Variants in CSGALNACT1 observed in about 807,000 individuals in gnomAD.
The protein encoded by CSGALNACT1 is beta4GalNAcT-1.
CSGALNACT1 carries 52 observed loss-of-function variants against 51.0 expected under a neutral mutation model. That is an observed-to-expected ratio of 1.02 (90% CI 0.82 to 1.29). CSGALNACT1 has a LOEUF of 1.29. Among genes scored for constraint, CSGALNACT1 ranks in the 50% most tolerant of loss-of-function variants. The pLI, the probability that CSGALNACT1 is intolerant of heterozygous loss-of-function variation, is 0.00. For synonymous variants in CSGALNACT1, 341 were observed against 254.4 expected (o/e 1.34, Z -3.24); for missense variants, 935 against 679.2 (o/e 1.38, Z -4.19).
At chr8:19,514,684 T>A (rs1246591681) in intron 3 of CSGALNACT1, among the ~76,000 whole-genome samples, 39 of 147,302 alleles carry the variant, frequency 2.6e-4, no homozygotes, top group Non-Finnish European at 4.5e-4. Flanking sequence ...CAGAAGAGAA[T>A]TAGCCTGGCA....
intron 2 of CSGALNACT1, among the ~76,000 whole-genome samples, chr8:19,598,000 C>G (rs577036877): frequency 2.0e-5 from 3 of 152,222 alleles, no homozygotes; most frequent in Non-Finnish European, 2.9e-5. Flanking sequence ...AGGCTCCCCC[C>G]TTACCTGCCT....
intron 4 of CSGALNACT1, among the ~76,000 whole-genome samples, chr8:19,502,286 C>A (rs765409335): frequency 2.1e-4 from 32 of 152,124 alleles, no homozygotes; most frequent in Non-Finnish European, 1.9e-4. Context: ...ACAAGAGAGA[C>A]CAGAAGGCTG....
In CSGALNACT1 at chr8:19,466,587, CAT is replaced by C. The variant is rs530049600; in HGVS notation, c.635-7947_635-7946del. Among the ~76,000 whole-genome samples, 534 of 152,334 alleles carry C rather than the reference CAT, an allele frequency of 3.5e-3. 4 individuals carry two copies. The highest frequency in any genetic ancestry group is 0.012 in the African/African-American group (505 of 41,566). On this transcript the variant is annotated intron_variant, in intron 4 of 9. Transcript: ENST00000454498. ...GATGGCATATCGCATTCCCAGATCA[CAT>C]GAGATAAATGAGACACTATTACAGT...
At chr8:19,688,541 T>C (rs977127728) in intron 1 of CSGALNACT1, among the ~76,000 whole-genome samples, 2 of 152,162 alleles carry the variant, frequency 1.3e-5, no homozygotes, top group Non-Finnish European at 2.9e-5. Context: ...AGCCCTGCAC[T>C]TAAAATCCAG....
intron 4 of CSGALNACT1, among the ~76,000 whole-genome samples, chr8:19,499,962 T>C (rs567884434): frequency 2.6e-5 from 4 of 152,296 alleles, no homozygotes; most frequent in African/African-American, 9.6e-5. Context: ...AGGGATTCAT[T>C]CTACAAAGTA....
chr8:19,479,370 G>A (rs1586872681), intron 4 of CSGALNACT1, among the ~76,000 whole-genome samples: 1 of 152,216 alleles, frequency 6.6e-6, no homozygotes, highest in Admixed American at 6.5e-5. Flanking sequence ...TCTATCCATG[G>A]TGAGAACCAG....
chr8:19,513,402 T>TTTTC (rs1288535096), intron 3 of CSGALNACT1, among the ~76,000 whole-genome samples: 2 of 35,146 alleles, frequency 5.7e-5, no homozygotes, highest in South Asian at 3.0e-3. Flanking sequence ...GTTCATAGAA[T>TTTTC]TTTCTCTCTC....
intron 1 of CSGALNACT1, among the ~76,000 whole-genome samples, chr8:19,670,650 CAAA>C (rs752256046): frequency 4.1e-3 from 379 of 92,828 alleles, no homozygotes; most frequent in South Asian, 0.037. Flanking sequence ...CTACTGAAGA[CAAA>C]AAAAAAAAAA....
chr8:19,677,356 C>G (rs9987105), intron 1 of CSGALNACT1, among the ~76,000 whole-genome samples: 43,451 of 152,146 alleles, frequency 0.29, 6,669 homozygotes, highest in African/African-American at 0.39. Flanking sequence ...AGTCATCCTC[C>G]CACCTCGGCC....
intron 4 of CSGALNACT1, among the ~76,000 whole-genome samples, chr8:19,499,069 C>T (rs1250071474): frequency 6.6e-6 from 1 of 152,162 alleles, no homozygotes; most frequent in South Asian, 2.1e-4. Flanking sequence ...GAGCCATGAT[C>T]GTGCCACTGC....
chr8:19,593,059 T>C (rs556932879), intron 2 of CSGALNACT1, among the ~76,000 whole-genome samples: 1 of 152,308 alleles, frequency 6.6e-6, no homozygotes, highest in East Asian at 1.9e-4. Context: ...TTTCCAAATA[T>C]TTTCAGTAAG....
chr8:19,500,662 G>T (rs55851368), intron 4 of CSGALNACT1, among the ~76,000 whole-genome samples: 23,687 of 152,178 alleles, frequency 0.16, 2,092 homozygotes, highest in Non-Finnish European at 0.2. Context: ...CTATCCCCGT[G>T]AGGTGTTTGT....
chr8:19,445,064 T>G (rs543449602), intron 5 of CSGALNACT1, among the ~76,000 whole-genome samples: 1 of 152,232 alleles, frequency 6.6e-6, no homozygotes, highest in East Asian at 1.9e-4. Context: ...GGCAGAGATT[T>G]AAAAGCAGAC....
At chr8:19,737,199 G>C (rs1296329160) in intron 1 of CSGALNACT1, among the ~76,000 whole-genome samples, 1 of 152,008 alleles carries the variant, frequency 6.6e-6, no homozygotes, top group Non-Finnish European at 1.5e-5. Flanking sequence ...ATAAAACTAG[G>C]AGAGTTTACT....
At chr8:19,733,919 C>T (rs2063825102) in intron 1 of CSGALNACT1, among the ~76,000 whole-genome samples, 1 of 152,028 alleles carries the variant, frequency 6.6e-6, no homozygotes, top group South Asian at 2.1e-4. Flanking sequence ...ATGACCAAGC[C>T]CAGGAGTGCA....
At chr8:19,732,130 GTTCTCCCTTTT>G (rs1272236905) in intron 1 of CSGALNACT1, among the ~76,000 whole-genome samples, 7 of 152,306 alleles carry the variant, frequency 4.6e-5, no homozygotes, top group African/African-American at 1.7e-4. Context: ...GCTGTAATCA[GTTCTCCCTTTT>G]TTCTAGAAAT....
intron 3 of CSGALNACT1, among the ~76,000 whole-genome samples, chr8:19,538,360 T>C (rs1284787818): frequency 2.0e-5 from 3 of 149,802 alleles, no homozygotes; most frequent in Non-Finnish European, 4.5e-5. Context: ...TTCAACAACA[T>C]AAAAAAAAAG....
At chr8:19,740,852 T>C (rs1180005512) in intron 1 of CSGALNACT1, among the ~76,000 whole-genome samples, 1 of 152,228 alleles carries the variant, frequency 6.6e-6, no homozygotes, top group Admixed American at 6.5e-5. Flanking sequence ...TTATGGATAG[T>C]TATTTGCTTT....
At chr8:19,755,870 T>C (rs1054562539) in intron 1 of CSGALNACT1, among the ~76,000 whole-genome samples, 4 of 152,234 alleles carry the variant, frequency 2.6e-5, no homozygotes, top group African/African-American at 9.6e-5. Flanking sequence ...GTGTGGCAGC[T>C]CAAGGCAGAC....
Sources: allele counts gnomAD v4.1 joint callset (sites outside exome capture counted in the v4.1 genomes callset), GRCh38; gene constraint gnomAD v4.1.1; transcripts MANE v1.5; gene names NCBI Gene and HGNC (gene_info 2026-07-23, HGNC 2026-07-21).